CDKL5: variants seen among roughly 807,000 people sequenced by gnomAD.
The protein encoded by CDKL5 is cyclin dependent kinase like 5, also known as cyclin-dependent kinase-like 5.
A neutral mutation model predicts 61.7 loss-of-function variants in CDKL5; 8 were observed. That is an observed-to-expected ratio of 0.13 (90% CI 0.08 to 0.23). The LOEUF (loss-of-function observed/expected upper bound fraction) is 0.23, where lower values mean the gene tolerates loss of function less well. Ranked by LOEUF, CDKL5 falls within the 10% of genes least tolerant of loss-of-function variation. The pLI, the probability that CDKL5 is intolerant of heterozygous loss-of-function variation, is 1.00. For missense variants in CDKL5, 440 were observed against 734.5 expected (o/e 0.60, Z 4.63); for synonymous variants, 275 against 272.3 (o/e 1.01, Z -0.10).
intron 3 of CDKL5, among the ~76,000 whole-genome samples, chrX:18,556,445 T>G (rs1379790366): frequency 9.0e-6 from 1 of 111,081 alleles, no homozygotes; most frequent in African/African-American, 3.3e-5. Flanking sequence ...GTTTAAAATC[T>G]CAGCTCTGCT....
At chrX:18,481,543 T>G (rs1257045327) in intron 1 of CDKL5, among the ~76,000 whole-genome samples, 7 of 102,446 alleles carry the variant, frequency 6.8e-5, no homozygotes, top group African/African-American at 2.5e-4. Flanking sequence ...TTTTTTTTTT[T>G]GTAGAGAAGG....
At chrX:18,597,898 G>A (rs748473819) in intron 10 of CDKL5, among the ~76,000 whole-genome samples, 6 of 110,960 alleles carry the variant, frequency 5.4e-5, no homozygotes, top group East Asian at 2.8e-4. Flanking sequence ...ACCTGGCCCC[G>A]AATTATTTCT....
At chrX:18,513,581 C>T (rs1351986090) in intron 3 of CDKL5, among the ~76,000 whole-genome samples, 2 of 111,678 alleles carry the variant, frequency 1.8e-5, no homozygotes, top group Non-Finnish European at 1.9e-5. Flanking sequence ...GGTCACACAC[C>T]AGCTCTTTAA....
intron 1 of CDKL5, among the ~76,000 whole-genome samples, chrX:18,503,683 T>G (rs1195586522): frequency 8.9e-6 from 1 of 112,283 alleles, no homozygotes; most frequent in Non-Finnish European, 1.9e-5. Context: ...CAATCATACA[T>G]TTTATTCATT....
At chrX:18,603,467 A>G (rs928541443) in intron 11 of CDKL5, among the ~76,000 whole-genome samples, 2 of 112,493 alleles carry the variant, frequency 1.8e-5, no homozygotes, top group African/African-American at 6.5e-5. Flanking sequence ...AATAAAAATG[A>G]AGTTCAAGAA....
At chrX:18,458,038 A>T (rs1449228951) in intron 1 of CDKL5, among the ~76,000 whole-genome samples, 4 of 102,019 alleles carry the variant, frequency 3.9e-5, no homozygotes, top group African/African-American at 1.5e-4. Context: ...CTCCTGCCTC[A>T]GCCTCCCGAG....
chrX:18,474,325 G>T (rs988630182), intron 1 of CDKL5, among the ~76,000 whole-genome samples: 9 of 111,632 alleles, frequency 8.1e-5, no homozygotes, highest in African/African-American at 2.9e-4. Flanking sequence ...GGTATGGTAT[G>T]TGTTGATTAT....
chrX:18,551,959 C>T (rs759872942), intron 3 of CDKL5, among the ~76,000 whole-genome samples: 19 of 109,564 alleles, frequency 1.7e-4, no homozygotes, highest in African/African-American at 5.6e-4. Flanking sequence ...TTAAAAAAAC[C>T]GAAATGTGGC....
intron 6 of CDKL5, among the ~76,000 whole-genome samples, chrX:18,580,862 G>A (rs1021665429): frequency 5.4e-5 from 6 of 111,942 alleles, no homozygotes; most frequent in African/African-American, 1.9e-4. Context: ...AAGGTCATAT[G>A]AAGAATGCCA....
chrX:18,463,448 T>C (rs1434792968), intron 1 of CDKL5, among the ~76,000 whole-genome samples: 1 of 112,333 alleles, frequency 8.9e-6, no homozygotes, highest in Non-Finnish European at 1.9e-5. Context: ...TACATTTGTT[T>C]CTTTAAACTC....
intron 15 of CDKL5, among the ~76,000 whole-genome samples, chrX:18,619,232 C>T (rs943642829): frequency 1.9e-5 from 2 of 105,358 alleles, no homozygotes; most frequent in Non-Finnish European, 3.9e-5. Flanking sequence ...TGACCTCAAG[C>T]GATCCTGTCC....
Position 18,458,046 on chromosome X carries a change from G to A in CDKL5, c.-163+32351G>A, listed in dbSNP as rs373752569. On this transcript the variant is annotated intron_variant, in intron 1 of 17. Transcript: ENST00000623535. ...AGAGATTCTCCTGCCTCAGCCTCCC[G>A]AGTAGCTGGGATTACAGGCATGCGC... is the stretch of plus-strand genomic sequence containing the variant. 3.0e-5 allele frequency among the ~76,000 whole-genome samples: 3 copies of A among 100,545 alleles called. No individual in the cohort carries two copies. In the South Asian group the frequency reaches 1.5e-3, roughly 50 times the overall value. 87.3% of individuals were successfully genotyped at this position (100,545 alleles called of 115,157 possible).
At chrX:18,459,313 T>C (rs1231105217) in intron 1 of CDKL5, among the ~76,000 whole-genome samples, 1 of 111,364 alleles carries the variant, frequency 9.0e-6, no homozygotes, top group Non-Finnish European at 1.9e-5. Flanking sequence ...CCCAGCACTT[T>C]GGGAGGCTGA....
chrX:18,620,453 T>A (rs1926857914), intron 16 of CDKL5, among the ~76,000 whole-genome samples: 1 of 111,714 alleles, frequency 9.0e-6, no homozygotes. Flanking sequence ...GTATCTGGGA[T>A]TTTAGGGCTT....
At chrX:18,525,161 G>A (rs1021379188) in intron 3 of CDKL5, among the ~76,000 whole-genome samples, 4 of 111,496 alleles carry the variant, frequency 3.6e-5, no homozygotes, top group African/African-American at 9.8e-5. Context: ...GTGCAGTGGC[G>A]CAATCTTGGC....
At chrX:18,476,510 C>G (rs1921317550) in intron 1 of CDKL5, among the ~76,000 whole-genome samples, 1 of 112,158 alleles carries the variant, frequency 8.9e-6, no homozygotes, top group African/African-American at 3.2e-5. Flanking sequence ...AGCCACTATA[C>G]CCAGCATCCC....
chrX:18,439,045 G>GCTCCCC (rs1931674638), intron 1 of CDKL5, among the ~76,000 whole-genome samples: 2 of 37,487 alleles, frequency 5.3e-5, no homozygotes, highest in Non-Finnish European at 4.4e-5. Context: ...GCCCCTTTTT[G>GCTCCCC]CCCCCCCCCC....
rs775336608 is a variant in CDKL5, at chrX:18,604,371, A to G, written c.1447A>G (p.Arg483Gly). ...CCAGTCCTCTAGGAGTCCCTCCTAC[A>G]GGACCAAGGCCAAAAGCCATGGGGC... ...IPQSSRSPSY[R>G]TKAKSHGALS... The change falls in exon 12 of 18, where the codon AGG becomes GGG. Residue 483 changes from arginine (R) to glycine (G), a missense_variant. Coordinates refer to ENST00000623535, the MANE Select transcript of CDKL5 (RefSeq NM_001323289.2). 8.3e-7 allele frequency: 1 copy of G among 1,209,993 alleles called. No homozygotes were observed. Among genetic ancestry groups the G allele is most frequent in the Non-Finnish European group, 1.1e-6 (1 of 894,237 alleles).
chrX:18,467,909 G>A (rs1359977149), intron 1 of CDKL5, among the ~76,000 whole-genome samples: 1 of 111,586 alleles, frequency 9.0e-6, no homozygotes, highest in Non-Finnish European at 1.9e-5. Context: ...TGTGATAGGT[G>A]TTTGATTAAT....
Sources: gnomAD v4.1 joint callset for allele counts (sites outside exome capture counted in the v4.1 genomes callset) on GRCh38, gnomAD v4.1.1 for gene constraint, MANE v1.5 for transcripts, NCBI Gene and HGNC (gene_info 2026-07-23, HGNC 2026-07-21) for gene names.